The following PARP12 variants were observed in gnomAD, a reference collection of about 807,000 sequenced individuals.
PARP12 encodes poly(ADP-ribose) polymerase family member 12, also known as protein mono-ADP-ribosyltransferase PARP12.
Under a neutral mutation model 72.4 loss-of-function variants are expected in PARP12, and 59 were observed. The ratio of observed to expected loss-of-function variants is 0.81; its 90% CI spans 0.66 to 1.01. The LOEUF (loss-of-function observed/expected upper bound fraction) is 1.01. Among genes scored for constraint, PARP12 ranks in the 50% least tolerant of loss-of-function variants. PARP12 has a pLI of 0.00. For missense variants in PARP12, 851 were observed against 914.0 expected, an observed-to-expected ratio of 0.93 and a Z score of 0.89; for synonymous variants, 403 against 371.4, an observed-to-expected ratio of 1.09 and a Z score of -0.98.
At chr7:140,027,508 A>G in intron 9 of PARP12, 102 bp from the exon 10 acceptor site, 1 of 1,442,210 alleles carries the variant, frequency 6.9e-7, no homozygotes, top group Non-Finnish European at 9.5e-7. Flanking sequence ...CAGAAGCACA[A>G]AAGCCCAGAG....
At chr7:140,025,993 GC>G (rs1815724667) in intron 11 of PARP12, among the ~76,000 whole-genome samples, 2 of 152,344 alleles carry the variant, frequency 1.3e-5, no homozygotes, top group South Asian at 4.1e-4. Context: ...AGGCCACCCT[GC>G]CCACACCTGG....
intron 6 of PARP12, among the ~76,000 whole-genome samples, chr7:140,039,046 G>A (rs1323300266): frequency 6.6e-6 from 1 of 152,194 alleles, no homozygotes; most frequent in East Asian, 1.9e-4. Context: ...GGGATGACAT[G>A]AGTTGGCCCC....
At position 140,062,939 on chromosome 7, in the gene PARP12, G is replaced by T; in HGVS notation, c.-92C>A. ...CGGGCGGCTCTCGCAGGGTGGAGACGCCGGCGGGAAACGAAACCGAAAGCG... is the reference window on the plus strand; with the variant it reads ...CGGGCGGCTCTCGCAGGGTGGAGACTCCGGCGGGAAACGAAACCGAAAGCG... On this transcript the variant is annotated 5_prime_UTR_variant, in exon 1 of 12. Coordinates refer to ENST00000263549, the MANE Select transcript of PARP12 (RefSeq NM_022750.4). The T allele has an allele frequency of 2.8e-6, 3 of 1,074,986 alleles. No individual in the cohort carries two copies. The highest frequency in any genetic ancestry group is 3.5e-6 in the Non-Finnish European group (3 of 857,282). 66.6% of individuals were successfully genotyped at this position (1,074,986 alleles called of 1,614,324 possible).
rs755249860 is a variant in PARP12 at position 140,057,953 on chromosome 7, G to T, written c.408C>A (p.Ser136Arg). The change falls in exon 2 of 12, where the codon AGC (serine) becomes AGA (arginine). Residue 136 changes from serine (S) to arginine (R), a missense_variant. Ser to Arg is a moderately radical substitution (Grantham distance 110). Coordinates refer to ENST00000263549, the MANE Select transcript of PARP12 (RefSeq NM_022750.4). ...VLRTHGVDHL[S>R]YNELCQLLFQ... Reference sequence around the variant, plus strand: ...ACAAGAGTTGGCATAGCTCATTATAGCTCAGGTGGTCAACGCCATGAGTTC... The same window carrying T: ...ACAAGAGTTGGCATAGCTCATTATATCTCAGGTGGTCAACGCCATGAGTTC... 2 of 1,614,230 alleles carry T rather than the reference G, an allele frequency of 1.2e-6. No individual in the cohort carries two copies. The highest frequency in any genetic ancestry group is 1.7e-6 in the Non-Finnish European group (2 of 1,180,030).
rs1816487746 is a variant in PARP12 at position 140,041,848 on chromosome 7, GAA to G, written c.987-11_987-10del. Reference sequence around the variant, plus strand: ...ACTCAGAGCACAGGATCCTACAGAAGAAAAACAGCAGCAGACTGAAAATCCCA... The same window carrying G: ...ACTCAGAGCACAGGATCCTACAGAAGAAACAGCAGCAGACTGAAAATCCCA... On this transcript the variant is annotated splice_polypyrimidine_tract_variant and intron_variant, in intron 5 of 11. Transcript: ENST00000263549. The G allele has an allele frequency of 6.2e-7, 1 of 1,603,458 alleles. No homozygotes were observed. Among genetic ancestry groups the G allele is most frequent in the African/African-American group, 1.3e-5 (1 of 74,530 alleles).
intron 8 of PARP12, chr7:140,033,331 G>A (rs1223182187): frequency 6.1e-6 from 6 of 985,170 alleles, no homozygotes; most frequent in African/African-American, 1.7e-5. Context: ...ATTTAAAAAC[G>A]ACCTTTGCAT....
chr7:140,031,603 G>A (rs1325032370), intron 8 of PARP12, among the ~76,000 whole-genome samples: 3 of 152,176 alleles, frequency 2.0e-5, no homozygotes, highest in Non-Finnish European at 2.9e-5. Context: ...GAGAAGAACT[G>A]AACACTTCAT....
At chr7:140,062,242 G>A (rs1268487520) in intron 1 of PARP12, among the ~76,000 whole-genome samples, 3 of 135,728 alleles carry the variant, frequency 2.2e-5, no homozygotes, top group Non-Finnish European at 3.2e-5. Flanking sequence ...CACCCCACAC[G>A]GCCACACCCG....
At chr7:140,039,778 C>T (rs59005883) in intron 6 of PARP12, among the ~76,000 whole-genome samples, 13,473 of 152,222 alleles carry the variant, frequency 0.089, 1,005 homozygotes, top group African/African-American at 0.21. Context: ...ACCAGATCAT[C>T]CTAGGCTGTC....
At position 140,054,643 on chromosome 7, in the gene PARP12, G is replaced by A; in HGVS notation, c.862+19C>T. On this transcript the variant is annotated intron_variant, in intron 4 of 11. Transcript: ENST00000263549. Reference sequence around the variant, plus strand: ...TTACCCCTCCCACAAGTGGAATGAAGGAGCCTCTTCCAACTTACCTTGAAA... The same window carrying A: ...TTACCCCTCCCACAAGTGGAATGAAAGAGCCTCTTCCAACTTACCTTGAAA... 6.4e-7 allele frequency: 1 copy of A among 1,573,022 alleles called. No homozygotes were observed. The highest frequency in any genetic ancestry group is 8.8e-7 in the Non-Finnish European group (1 of 1,142,688).
chr7:140,034,184 C>G (rs1167972992), intron 8 of PARP12, 51 bp downstream of exon 8: 6 of 1,589,684 alleles, frequency 3.8e-6, no homozygotes, highest in Non-Finnish European at 5.1e-6. Context: ...CACTGCAGAG[C>G]ACACCCCAGC....
chr7:140,038,523 T>C (rs2116566466), intron 6 of PARP12, among the ~76,000 whole-genome samples: 1 of 152,270 alleles, frequency 6.6e-6, no homozygotes, highest in Admixed American at 6.5e-5. Context: ...GCCATATTCA[T>C]CCCTTTATAC....
chr7:140,025,651 C>T (rs932877312), intron 11 of PARP12: 6 of 401,224 alleles, frequency 1.5e-5, no homozygotes, highest in Non-Finnish European at 2.5e-5. Flanking sequence ...AACCAATGAA[C>T]GCAGGTAAAA....
At chr7:140,048,643 A>G (rs893884363) in intron 4 of PARP12, among the ~76,000 whole-genome samples, 3 of 152,232 alleles carry the variant, frequency 2.0e-5, no homozygotes, top group African/African-American at 7.2e-5. Flanking sequence ...ACACATGCAC[A>G]TATTATTTCT....
intron 5 of PARP12, among the ~76,000 whole-genome samples, chr7:140,045,582 T>A (rs1302033101): frequency 2.6e-5 from 4 of 152,194 alleles, no homozygotes; most frequent in Non-Finnish European, 4.4e-5. Context: ...ACTGATTGGC[T>A]TAAGCTCAGC....
At chr7:140,051,229 T>C (rs1816944997) in intron 4 of PARP12, among the ~76,000 whole-genome samples, 1 of 152,148 alleles carries the variant, frequency 6.6e-6, no homozygotes, top group African/African-American at 2.4e-5. Context: ...TAAACTTTAT[T>C]TCTCAATATA....
At chr7:140,037,656 G>A (rs959794936) in intron 7 of PARP12, 59 bp downstream of exon 7, 11 of 1,599,402 alleles carry the variant, frequency 6.9e-6, no homozygotes, top group Non-Finnish European at 9.4e-6. Context: ...CAGGGTTAAG[G>A]TGTAGGGACA....
intron 1 of PARP12, among the ~76,000 whole-genome samples, chr7:140,061,461 A>G (rs1267086631): frequency 1.3e-5 from 2 of 152,228 alleles, no homozygotes; most frequent in Admixed American, 6.5e-5. Flanking sequence ...ATACACACAC[A>G]CACACAAAAC....
chr7:140,059,989 C>G (rs769926865), intron 1 of PARP12, among the ~76,000 whole-genome samples: 1 of 152,094 alleles, frequency 6.6e-6, no homozygotes, highest in Non-Finnish European at 1.5e-5. Flanking sequence ...TTTGGTGCTG[C>G]CAGAGCCAAA....
Sources: gnomAD v4.1 joint callset for allele counts (sites outside exome capture counted in the v4.1 genomes callset) on GRCh38, gnomAD v4.1.1 for gene constraint, MANE v1.5 for transcripts, NCBI Gene and HGNC (gene_info 2026-07-23, HGNC 2026-07-21) for gene names.